HMGN5: variants seen among roughly 807,000 people sequenced by gnomAD.
HMGN5 encodes high mobility group nucleosome binding domain 5.
HMGN5 carries 4 observed loss-of-function variants against 9.5 expected under a neutral mutation model. The observed-to-expected ratio is 0.42, with a 90% CI of 0.21 to 0.96. The LOEUF (loss-of-function observed/expected upper bound fraction) is 0.96, where lower values mean the gene tolerates loss of function less well. HMGN5 is among the 40% of genes least tolerant of loss of function. The pLI is 0.30. For missense variants in HMGN5, 192 were observed against 187.5 expected (o/e 1.02, Z -0.14); for synonymous variants, 55 against 57.1 (o/e 0.96, Z 0.16).
At chrX:81,184,157 G>A (rs185431976) in intron 1 of HMGN5, among the ~76,000 whole-genome samples, 84 of 111,423 alleles carry the variant, frequency 7.5e-4, no homozygotes, top group Non-Finnish European at 3.0e-4. Context: ...TTGGAGAAGG[G>A]GCCTGATGGG....
intron 1 of HMGN5, among the ~76,000 whole-genome samples, chrX:81,158,286 A>G (rs1452602427): frequency 1.8e-5 from 2 of 112,031 alleles, no homozygotes; most frequent in Non-Finnish European, 1.9e-5. Context: ...CATTCCCACC[A>G]ACAATGTAAA....
Position 81,116,298 on chromosome X carries a change from G to A in HMGN5, c.173C>T (p.Thr58Ile), listed in dbSNP as rs747647780. Reference sequence around the variant, plus strand: ...GGTTTCAGCAACTGCTTGGGCACTTGTATCTATGTTTTCTTCCATCATATC... The same window carrying A: ...GGTTTCAGCAACTGCTTGGGCACTTATATCTATGTTTTCTTCCATCATATC... Reference protein sequence around the residue: ...KSDMMEENIDTSAQAVAETKQ... With the variant: ...KSDMMEENIDISAQAVAETKQ... The change falls in exon 6 of 7, where the codon ACA becomes ATA. Residue 58 changes from threonine to isoleucine, a missense_variant. Physicochemically the swap from Thr to Ile is moderately conservative, Grantham distance 89. Transcript: ENST00000358130. 1.7e-6 allele frequency: 2 copies of A among 1,192,344 alleles called. No individual in the cohort carries two copies. The highest frequency in any genetic ancestry group is 2.3e-6 in the Non-Finnish European group (2 of 879,599).
chrX:81,117,795 A>G (rs1328916063), intron 5 of HMGN5, among the ~76,000 whole-genome samples: 1 of 110,809 alleles, frequency 9.0e-6, no homozygotes. Context: ...CTACAAAGTG[A>G]TAGGATTAGA....
chrX:81,170,837 A>G (rs1379605188), intron 1 of HMGN5, among the ~76,000 whole-genome samples: 1 of 110,776 alleles, frequency 9.0e-6, no homozygotes, highest in African/African-American at 3.3e-5. Context: ...ATCTCACTCA[A>G]TCCTTCCAGC....
At chrX:81,132,907 A>G (rs2075301690) in intron 1 of HMGN5, among the ~76,000 whole-genome samples, 1 of 110,891 alleles carries the variant, frequency 9.0e-6, no homozygotes, top group South Asian at 3.7e-4. Flanking sequence ...AACACCACCA[A>G]TAGAGTAGAC....
chrX:81,125,544 G>A (rs1467960398), intron 1 of HMGN5, among the ~76,000 whole-genome samples: 1 of 111,521 alleles, frequency 9.0e-6, no homozygotes, highest in Non-Finnish European at 1.9e-5. Flanking sequence ...TTTGCAGCAG[G>A]CCAAAGACTA....
At chrX:81,162,800 C>T (rs192002227) in intron 1 of HMGN5, among the ~76,000 whole-genome samples, 3 of 111,201 alleles carry the variant, frequency 2.7e-5, no homozygotes, top group East Asian at 2.8e-4. Context: ...TGTCATTATG[C>T]GACTTAGAGG....
At chrX:81,173,812 C>A (rs1284148729) in intron 1 of HMGN5, among the ~76,000 whole-genome samples, 1 of 111,778 alleles carries the variant, frequency 8.9e-6, no homozygotes, top group Non-Finnish European at 1.9e-5. Flanking sequence ...ATCCAGTAAA[C>A]TGTCTTTGAA....
At chrX:81,185,197 T>C (rs996290761) in intron 1 of HMGN5, among the ~76,000 whole-genome samples, 2 of 112,110 alleles carry the variant, frequency 1.8e-5, no homozygotes, top group Non-Finnish European at 3.8e-5. Context: ...AATTTGTAGA[T>C]TGCTTGGGTG....
intron 1 of HMGN5, among the ~76,000 whole-genome samples, chrX:81,181,555 G>GT (rs2147644320): frequency 1.8e-5 from 2 of 111,464 alleles, no homozygotes; most frequent in South Asian, 3.8e-4. Context: ...CATTCTTTCT[G>GT]TTTTTTGAAC....
At chrX:81,191,261 T>C (rs766158216) in intron 1 of HMGN5, among the ~76,000 whole-genome samples, 7 of 112,040 alleles carry the variant, frequency 6.2e-5, no homozygotes, top group South Asian at 3.6e-4. Flanking sequence ...ATTATAACTT[T>C]ATTTTATTTT....
chrX:81,121,876 G>C (rs2075269985), intron 1 of HMGN5, among the ~76,000 whole-genome samples: 1 of 112,760 alleles, frequency 8.9e-6, no homozygotes, highest in Non-Finnish European at 1.9e-5. Flanking sequence ...CGCTGGTGTA[G>C]TGGCGGAGCA....
rs753126688 is a variant in HMGN5 at position 81,170,860 on chromosome X, T to A, written c.-124+30877A>T. 2.8e-3 allele frequency among the ~76,000 whole-genome samples: 309 copies of A among 110,784 alleles called. 1 individual carries two copies. Among genetic ancestry groups the A allele is most frequent in the Middle Eastern group, 9.2e-3 (2 of 217 alleles). On this transcript the variant is annotated intron_variant, in intron 1 of 6. Coordinates refer to ENST00000358130, the MANE Select transcript of HMGN5 (RefSeq NM_030763.3). ...CAATCCTTCCAGCAACCCTGCACAT[T>A]AGGTACTATTATTGCCATTTTGTAG...
intron 1 of HMGN5, among the ~76,000 whole-genome samples, chrX:81,192,235 T>C (rs1026011108): frequency 8.9e-6 from 1 of 111,830 alleles, no homozygotes; most frequent in Non-Finnish European, 1.9e-5. Flanking sequence ...AGAGATGAGA[T>C]TGGCCTGTGT....
At chrX:81,200,447 T>A (rs1466062757) in intron 1 of HMGN5, among the ~76,000 whole-genome samples, 2 of 112,211 alleles carry the variant, frequency 1.8e-5, no homozygotes, top group Non-Finnish European at 3.8e-5. Flanking sequence ...TAGCAAAGAC[T>A]TGGAACCAAC....
chrX:81,124,059 C>CA (rs2075276320), intron 1 of HMGN5, among the ~76,000 whole-genome samples: 1 of 112,351 alleles, frequency 8.9e-6, no homozygotes, highest in Non-Finnish European at 1.9e-5. Flanking sequence ...GCATAATGTG[C>CA]AGGTCAGTGA....
intron 1 of HMGN5, among the ~76,000 whole-genome samples, chrX:81,165,066 G>A (rs981102857): frequency 5.4e-5 from 6 of 111,140 alleles, no homozygotes; most frequent in African/African-American, 2.0e-4. Flanking sequence ...ATAGTGGAAA[G>A]GTCATCGATT....
rs73631724 is a variant in HMGN5, at chrX:81,163,548, T to C, written c.-124+38189A>G. ...TTTTGATGATTTGTTTGTTTTAGTC[T>C]GGAAACAGTACTGATATAGAAAACT... On this transcript the variant is annotated intron_variant, in intron 1 of 6. Transcript: ENST00000358130. 4.8e-3 allele frequency among the ~76,000 whole-genome samples: 534 copies of C among 111,870 alleles called. 3 individuals carry two copies. Among genetic ancestry groups the C allele is most frequent in the African/African-American group, 0.016 (496 of 30,889 alleles).
At chrX:81,155,437 T>C (rs140817116) in intron 1 of HMGN5, among the ~76,000 whole-genome samples, 2,302 of 109,400 alleles carry the variant, frequency 0.021, 63 homozygotes, top group African/African-American at 0.072. Flanking sequence ...TTAAAACTTA[T>C]GTTCACACAT....
Sources: gnomAD v4.1 joint callset for allele counts (sites outside exome capture counted in the v4.1 genomes callset) on GRCh38, gnomAD v4.1.1 for gene constraint, MANE v1.5 for transcripts, NCBI Gene and HGNC (gene_info 2026-07-23, HGNC 2026-07-21) for gene names.